Variants in LANCL1 observed in about 807,000 individuals in gnomAD.
LANCL1 encodes the protein glutathione S-transferase LANCL1.
A neutral mutation model predicts 50.6 loss-of-function variants in LANCL1; 50 were observed. The ratio of observed to expected loss-of-function variants is 0.99; its 90% CI spans 0.79 to 1.25. The LOEUF (loss-of-function observed/expected upper bound fraction) is 1.25. Among genes scored for constraint, LANCL1 ranks in the 50% most tolerant of loss-of-function variants. The pLI, the probability that LANCL1 is intolerant of heterozygous loss-of-function variation, is 0.00. For missense variants in LANCL1, 532 were observed against 480.7 expected (o/e 1.11, Z -1.00); for synonymous variants, 188 against 178.6 (o/e 1.05, Z -0.42).
intron 4 of LANCL1, among the ~76,000 whole-genome samples, chr2:210,451,281 C>T (rs898579654): frequency 2.6e-5 from 4 of 151,628 alleles, no homozygotes; most frequent in Non-Finnish European, 5.9e-5. Context: ...AATGAGAACA[C>T]ATGGACACGG....
chr2:210,460,281 G>A (rs1693812213), intron 3 of LANCL1, among the ~76,000 whole-genome samples: 1 of 152,066 alleles, frequency 6.6e-6, no homozygotes, highest in African/African-American at 2.4e-5. Context: ...CTCTGGTAGG[G>A]AAAATCATGT....
intron 3 of LANCL1, among the ~76,000 whole-genome samples, chr2:210,462,337 T>A (rs1355337399): frequency 6.6e-6 from 1 of 152,240 alleles, no homozygotes; most frequent in African/African-American, 2.4e-5. Context: ...GTAAGTCTAC[T>A]GGGAAAAGAT....
chr2:210,459,178 T>C (rs1693761917), intron 3 of LANCL1, among the ~76,000 whole-genome samples: 1 of 152,104 alleles, frequency 6.6e-6, no homozygotes, highest in Non-Finnish European at 1.5e-5. Flanking sequence ...AGAATTATTT[T>C]ATATTTAATA....
intron 5 of LANCL1, 67 bp downstream of exon 5, chr2:210,441,241 A>G (rs987976546): frequency 6.7e-7 from 1 of 1,488,746 alleles, no homozygotes; most frequent in Admixed American, 1.8e-5. Flanking sequence ...GACATAAACA[A>G]TAGTTTAGGC....
At chr2:210,447,355 GCA>G (rs1251663899) in intron 4 of LANCL1, among the ~76,000 whole-genome samples, 1 of 152,166 alleles carries the variant, frequency 6.6e-6, no homozygotes, top group Non-Finnish European at 1.5e-5. Context: ...CCTGAAGGAA[GCA>G]CTCAACATGG....
chr2:210,471,169 C>T (rs1694212866), intron 3 of LANCL1, among the ~76,000 whole-genome samples: 1 of 151,288 alleles, frequency 6.6e-6, no homozygotes, highest in South Asian at 2.1e-4. Context: ...GCCTCAGCCT[C>T]CTGAGTAGCT....
rs142238845 is a variant in LANCL1, at chr2:210,450,807, G to A, written c.407+4300C>T. Among the ~76,000 whole-genome samples the A allele has an allele frequency of 4.5e-4, 68 of 152,174 alleles. No homozygotes were observed. In the East Asian group the frequency reaches 5.4e-3, roughly 12 times the overall value. On this transcript the variant is annotated intron_variant, in intron 4 of 9. Coordinates refer to ENST00000450366, the MANE Select transcript of LANCL1 (RefSeq NM_006055.3). ...ACCATCTCAAGCCAGTTAGAATGGC[G>A]ATCATTAAAAAGTTAGGAAACAACA...
chr2:210,432,377 GTTGCAA>G lies in LANCL1; in HGVS notation c.*2104_*2109del, dbSNP rs758173147. ...AGTAGCTAACCCATTTATGCTGGGG[GTTGCAA>G]TTTTTTGTGTGAAAAATCAGACCTT... is the stretch of plus-strand genomic sequence containing the variant. On this transcript the variant is annotated 3_prime_UTR_variant, in exon 10 of 10. Coordinates refer to ENST00000450366, the MANE Select transcript of LANCL1 (RefSeq NM_006055.3). 6 of 152,150 alleles carry G rather than the reference GTTGCAA, an allele frequency of 3.9e-5. No individual in the cohort carries two copies. The highest frequency in any genetic ancestry group is 7.3e-5 in the Non-Finnish European group (5 of 68,028). 9.4% of individuals were successfully genotyped at this position (152,150 alleles called of 1,614,324 possible). A position where few individuals can be genotyped will look rare whatever the true frequency, so the allele number is the denominator to read the frequency against.
chr2:210,445,140 G>GA (rs1361772013), intron 4 of LANCL1, among the ~76,000 whole-genome samples: 1 of 148,332 alleles, frequency 6.7e-6, no homozygotes, highest in African/African-American at 2.4e-5. Context: ...TGCAAAGATT[G>GA]AAAGAACTAT....
intron 4 of LANCL1, among the ~76,000 whole-genome samples, chr2:210,446,449 C>T (rs1215378360): frequency 6.6e-6 from 1 of 152,102 alleles, no homozygotes; most frequent in East Asian, 1.9e-4. Flanking sequence ...GCTGCTTCTT[C>T]TCCAAAGGAT....
intron 3 of LANCL1, chr2:210,460,706 G>A (rs1334569095): frequency 3.3e-5 from 5 of 152,186 alleles, no homozygotes; most frequent in African/African-American, 9.6e-5. Flanking sequence ...ACAATCCACT[G>A]AGTAGGACAT....
chr2:210,462,057 A>T (rs559190453), intron 3 of LANCL1, among the ~76,000 whole-genome samples: 1 of 152,286 alleles, frequency 6.6e-6, no homozygotes, highest in South Asian at 2.1e-4. Flanking sequence ...TGTTCTCCCC[A>T]CTAGCACCTA....
chr2:210,477,578 G>A, upstream of LANCL1: 2 of 1,398,894 alleles, frequency 1.4e-6, no homozygotes, highest in Non-Finnish European at 9.3e-7. Flanking sequence ...TCCAACTGGA[G>A]AAGCTCAGTC....
intron 9 of LANCL1, 69 bp downstream of exon 9, chr2:210,435,318 T>C (rs1039447934): frequency 1.6e-6 from 2 of 1,252,214 alleles, no homozygotes; most frequent in Non-Finnish European, 2.3e-6. Flanking sequence ...AAAACTTAAA[T>C]ACATTAATTA....
intron 3 of LANCL1, among the ~76,000 whole-genome samples, chr2:210,460,170 C>G (rs12151505): frequency 1.3e-5 from 2 of 152,112 alleles, no homozygotes; most frequent in Non-Finnish European, 2.9e-5. Context: ...ATTTGTTTTA[C>G]GACCAGCTTA....
chr2:210,459,510 T>C (rs1693777849), intron 3 of LANCL1, among the ~76,000 whole-genome samples: 1 of 152,068 alleles, frequency 6.6e-6, no homozygotes, highest in Non-Finnish European at 1.5e-5. Flanking sequence ...AATTTAAAAT[T>C]CAATCTTAGT....
intron 5 of LANCL1, 120 bp from the exon 6 acceptor site, chr2:210,440,864 GC>G (rs1251268614): frequency 3.6e-6 from 3 of 828,304 alleles, no homozygotes; most frequent in East Asian, 5.3e-5. Context: ...CCAGCTTATA[GC>G]CAGGGAAAGG....
intron 4 of LANCL1, among the ~76,000 whole-genome samples, chr2:210,444,231 C>T (rs138831488): frequency 2.4e-3 from 372 of 152,224 alleles, no homozygotes; most frequent in Non-Finnish European, 3.5e-3. Flanking sequence ...CCCAAGCAAA[C>T]AAAAACCTAA....
rs143619133 is a variant in LANCL1 at position 210,441,406 on chromosome 2, T to G, written c.445A>C (p.Asn149His). Residue 149 changes from asparagine to histidine, a missense_variant, in exon 5 of 10, where the codon AAT becomes CAT. Transcript: ENST00000450366. ...HLNKIDPHAP[N>H]EMLYGRIGYI... ...CCTATTCGCCCATAGAGCATTTCAT[T>G]TGGAGCATGAGGATCAATCTTATTT... is the stretch of plus-strand genomic sequence containing the variant. 1.9e-5 allele frequency: 30 copies of G among 1,612,222 alleles called. No homozygotes were observed. The South Asian group carries it at 2.9e-4, about 15-fold the overall frequency.
Sources: gnomAD v4.1 joint callset for allele counts (sites outside exome capture counted in the v4.1 genomes callset) on GRCh38, gnomAD v4.1.1 for gene constraint, MANE v1.5 for transcripts, NCBI Gene and HGNC (gene_info 2026-07-23, HGNC 2026-07-21) for gene names.